Variants in EFHD2 observed in about 807,000 individuals in gnomAD.
EFHD2 encodes the protein EF-hand domain family member D2.
Under a neutral mutation model 20.3 loss-of-function variants are expected in EFHD2, and 12 were observed. The ratio of observed to expected loss-of-function variants is 0.59; its 90% CI spans 0.38 to 0.96. The LOEUF (loss-of-function observed/expected upper bound fraction) is 0.96, where lower values mean the gene tolerates loss of function less well. Among genes scored for constraint, EFHD2 ranks in the 40% least tolerant of loss-of-function variants. The pLI, the probability that EFHD2 is intolerant of heterozygous loss-of-function variation, is 0.00. For missense variants in EFHD2, 250 were observed against 334.3 expected, an observed-to-expected ratio of 0.75 and a Z score of 1.97; for synonymous variants, 131 against 143.9, an observed-to-expected ratio of 0.91 and a Z score of 0.64.
intron 1 of EFHD2, among the ~76,000 whole-genome samples, chr1:15,411,859 G>GTTA (rs1707528313): frequency 6.6e-6 from 1 of 152,248 alleles, no homozygotes; most frequent in South Asian, 2.1e-4. Flanking sequence ...CCCAGGAAGG[G>GTTA]GCGTTTTGCA....
chr1:15,425,539 C>G (rs906042628), intron 1 of EFHD2, among the ~76,000 whole-genome samples: 1 of 151,944 alleles, frequency 6.6e-6, no homozygotes, highest in Non-Finnish European at 1.5e-5. Flanking sequence ...AAAAAAAACC[C>G]AGAGAATTCC....
chr1:15,427,284 G>C lies in EFHD2; in HGVS notation c.591G>C (p.Lys197Asn). ...VKGAKSFFEA[K>N]VQAINVSSRF... ...GGGCCAAGAGCTTCTTTGAGGCCAA[G>C]GTGAGGAGCCCAAGGGGTGCCCTGA... Residue 197 changes from lysine (K) to asparagine (N), a missense_variant and splice_region_variant, in exon 3 of 4, where the codon AAG becomes AAC. Lys to Asn is a moderately conservative substitution (Grantham distance 94). Coordinates refer to ENST00000375980, the MANE Select transcript of EFHD2 (RefSeq NM_024329.6). The C allele has an allele frequency of 6.2e-7, 1 of 1,605,128 alleles. No homozygotes were observed. Among genetic ancestry groups the C allele is most frequent in the Non-Finnish European group, 8.5e-7 (1 of 1,176,474 alleles).
At chr1:15,417,457 T>G (rs1042105882) in intron 1 of EFHD2, among the ~76,000 whole-genome samples, 4 of 152,282 alleles carry the variant, frequency 2.6e-5, no homozygotes, top group Admixed American at 1.3e-4. Flanking sequence ...CAGGTTAGGA[T>G]GCCTTTGAGC....
At chr1:15,414,510 T>C (rs527739804) in intron 1 of EFHD2, among the ~76,000 whole-genome samples, 8 of 152,372 alleles carry the variant, frequency 5.3e-5, no homozygotes, top group Admixed American at 1.3e-4. Context: ...GCCCAGTGCT[T>C]GGCACAGAGC....
chr1:15,418,506 C>G (rs569625776), intron 1 of EFHD2, among the ~76,000 whole-genome samples: 1 of 150,814 alleles, frequency 6.6e-6, no homozygotes. Context: ...GGGGTTTCAC[C>G]GTGTTAGCCA....
At chr1:15,421,746 C>T (rs1189156434) in intron 1 of EFHD2, among the ~76,000 whole-genome samples, 2 of 152,178 alleles carry the variant, frequency 1.3e-5, no homozygotes, top group Admixed American at 6.6e-5. Flanking sequence ...GGGAGAGACA[C>T]GTGGGACCCA....
chr1:15,416,621 C>T (rs533063702), intron 1 of EFHD2, among the ~76,000 whole-genome samples: 1 of 152,150 alleles, frequency 6.6e-6, no homozygotes. Context: ...GCTGGACTTT[C>T]AGAAGGGTTA....
In EFHD2 at chr1:15,429,350, C is replaced by T. The variant is rs1414861937; in HGVS notation, c.*626C>T. ...CTGGTGAAGGGACCCGGGCAGGCCC[C>T]CAGCACCCCATGCTGACTTGGAGAA... On this transcript the variant is annotated 3_prime_UTR_variant, in exon 4 of 4. Coordinates refer to ENST00000375980, the MANE Select transcript of EFHD2 (RefSeq NM_024329.6). 1 of 153,286 alleles carries T rather than the reference C, an allele frequency of 6.5e-6. No homozygotes were observed. Among genetic ancestry groups the T allele is most frequent in the East Asian group, 1.9e-4 (1 of 5,194 alleles). 9.5% of individuals were successfully genotyped at this position (153,286 alleles called of 1,614,324 possible). A position where few individuals can be genotyped will look rare whatever the true frequency, so the allele number is the denominator to read the frequency against.
rs1352658633 is a variant in EFHD2 at position 15,425,831 on chromosome 1, T to C, written c.309-40T>C. On this transcript the variant is annotated intron_variant, in intron 1 of 3. Transcript: ENST00000375980. ...CACTCAAGCCTGCGGCCTCTCTGACTGAGCCAGTGCCAAGATGTCCTCTCT... is the reference window on the plus strand; with the variant it reads ...CACTCAAGCCTGCGGCCTCTCTGACCGAGCCAGTGCCAAGATGTCCTCTCT... 2.5e-6 allele frequency: 4 copies of C among 1,593,582 alleles called. No individual in the cohort carries two copies. In the African/African-American group the frequency reaches 5.5e-5, roughly 22 times the overall value.
At chr1:15,422,654 G>T (rs1010537127) in intron 1 of EFHD2, among the ~76,000 whole-genome samples, 1 of 151,900 alleles carries the variant, frequency 6.6e-6, no homozygotes, top group Admixed American at 6.6e-5. Flanking sequence ...GAGGTCAGGA[G>T]ATCGAAACCA....
At chr1:15,421,351 T>C (rs1253010501) in intron 1 of EFHD2, among the ~76,000 whole-genome samples, 1 of 152,134 alleles carries the variant, frequency 6.6e-6, no homozygotes, top group Non-Finnish European at 1.5e-5. Flanking sequence ...AGGAGTCTCT[T>C]GGGAATGGCC....
chr1:15,429,694 C>A lies in EFHD2; in HGVS notation c.*970C>A, dbSNP rs1454033079. Reference sequence around the variant, plus strand: ...GGTGGGCAGCGGGGGCCTGTCCAGCCCTCTCCCGCCATCCTTCCCCAAGTG... The same window carrying A: ...GGTGGGCAGCGGGGGCCTGTCCAGCACTCTCCCGCCATCCTTCCCCAAGTG... On this transcript the variant is annotated 3_prime_UTR_variant, in exon 4 of 4. Coordinates refer to ENST00000375980, the MANE Select transcript of EFHD2 (RefSeq NM_024329.6). 3 of 152,598 alleles carry A rather than the reference C, an allele frequency of 2.0e-5. No homozygotes were observed. The highest frequency in any genetic ancestry group is 7.2e-5 in the African/African-American group (3 of 41,436). 9.5% of individuals were successfully genotyped at this position (152,598 alleles called of 1,614,324 possible). A position where few individuals can be genotyped will look rare whatever the true frequency, so the allele number is the denominator to read the frequency against.
At chr1:15,423,961 A>G (rs897463757) in intron 1 of EFHD2, among the ~76,000 whole-genome samples, 2 of 151,954 alleles carry the variant, frequency 1.3e-5, no homozygotes, top group East Asian at 3.9e-4. Context: ...AGGCTGATGT[A>G]GGAGGATTGC....
chr1:15,419,178 C>T (rs574537392), intron 1 of EFHD2, among the ~76,000 whole-genome samples: 2 of 152,344 alleles, frequency 1.3e-5, no homozygotes, highest in South Asian at 4.1e-4. Context: ...GGGGACCATG[C>T]TCACCCCAAA....
At chr1:15,419,208 G>T (rs1273436981) in intron 1 of EFHD2, among the ~76,000 whole-genome samples, 3 of 152,324 alleles carry the variant, frequency 2.0e-5, no homozygotes, top group Admixed American at 1.3e-4. Flanking sequence ...TCGTCCTTGG[G>T]GGGTAACTGG....
At position 15,410,247 on chromosome 1, in the gene EFHD2, G is replaced by A. The variant is rs1426408975; in HGVS notation, c.276G>A (p.Lys92=). The A allele has an allele frequency of 3.1e-6, 5 of 1,605,642 alleles. No homozygotes were observed. Among genetic ancestry groups the A allele is most frequent in the Non-Finnish European group, 4.2e-6 (5 of 1,176,832 alleles). Residue 92 remains lysine, a synonymous_variant, in exon 1 of 4, where the codon AAG becomes AAA. Transcript: ENST00000375980. ...PYTEFKEFSR[K]QIKDMEKMFK... is the part of the protein sequence containing the mutation. ...CCGAGTTCAAGGAGTTCTCCAGGAAGCAGATCAAGGACATGGAGAAGATGT... is the reference window on the plus strand; with the variant it reads ...CCGAGTTCAAGGAGTTCTCCAGGAAACAGATCAAGGACATGGAGAAGATGT...
At chr1:15,427,083 G>T (rs564925716) in intron 2 of EFHD2, 67 bp from the exon 3 acceptor site, 1 of 1,570,244 alleles carries the variant, frequency 6.4e-7, no homozygotes, top group African/African-American at 1.3e-5. Flanking sequence ...GCCTGGGTGC[G>T]GCCAGGGACT....
intron 3 of EFHD2, among the ~76,000 whole-genome samples, chr1:15,427,592 GGGCA>G (rs1164293732): frequency 1.3e-5 from 2 of 152,234 alleles, no homozygotes; most frequent in African/African-American, 4.8e-5. Context: ...GGCCTTAGGA[GGGCA>G]GGCCCAGAAA....
Position 15,425,863 on chromosome 1 carries a change from A to C in EFHD2, c.309-8A>C, listed in dbSNP as rs754460746. On this transcript the variant is annotated splice_region_variant and splice_polypyrimidine_tract_variant and intron_variant, in intron 1 of 3. Transcript: ENST00000375980. ...GTGCCAAGATGTCCTCTCTTTTTGC[A>C]TCTGCAGGTATGATGCCGGGCGGGA... is the stretch of plus-strand genomic sequence containing the variant. 1 of 1,602,664 alleles carries C rather than the reference A, an allele frequency of 6.2e-7. No homozygotes were observed. The highest frequency in any genetic ancestry group is 8.5e-7 in the Non-Finnish European group (1 of 1,175,940).
Sources: allele counts gnomAD v4.1 joint callset (sites outside exome capture counted in the v4.1 genomes callset), GRCh38; gene constraint gnomAD v4.1.1; transcripts MANE v1.5; gene names NCBI Gene and HGNC (gene_info 2026-07-23, HGNC 2026-07-21).